The following SH3RF2 variants were observed in gnomAD, a reference collection of about 807,000 sequenced individuals.
The protein encoded by SH3RF2 is E3 ubiquitin-protein ligase SH3RF2.
In SH3RF2, 43 loss-of-function variants were observed where a neutral mutation model predicts 59.0. The ratio of observed to expected loss-of-function variants is 0.73; its 90% CI spans 0.57 to 0.94. The LOEUF (loss-of-function observed/expected upper bound fraction) is 0.94, where lower values mean the gene tolerates loss of function less well. Among genes scored for constraint, SH3RF2 ranks in the 40% least tolerant of loss-of-function variants. SH3RF2 has a pLI of 0.00. For synonymous variants in SH3RF2, 391 were observed against 391.5 expected (o/e 1.00, Z 0.01); for missense variants, 930 against 940.1 (o/e 0.99, Z 0.14).
chr5:145,979,413 C>G (rs987380905), intron 2 of SH3RF2, among the ~76,000 whole-genome samples: 1 of 152,184 alleles, frequency 6.6e-6, no homozygotes, highest in Non-Finnish European at 1.5e-5. Context: ...AGCATATCTA[C>G]AAATATCCAA....
intron 2 of SH3RF2, among the ~76,000 whole-genome samples, chr5:145,963,257 T>G (rs1390115786): frequency 6.7e-6 from 1 of 149,428 alleles, no homozygotes; most frequent in Admixed American, 6.6e-5. Flanking sequence ...GATGGATGGA[T>G]GGATGGATGG....
chr5:146,059,077 ACTGTT>A (rs567610610), intron 8 of SH3RF2, among the ~76,000 whole-genome samples: 8 of 152,150 alleles, frequency 5.3e-5, no homozygotes, highest in Non-Finnish European at 1.2e-4. Context: ...CCAATGATGT[ACTGTT>A]ATTATCTCCA....
chr5:145,997,273 A>G (rs962497937), intron 2 of SH3RF2: 38 of 978,066 alleles, frequency 3.9e-5, no homozygotes, highest in Middle Eastern at 2.1e-4. Context: ...GTAAATGTAC[A>G]TGGAACCAAA....
chr5:145,969,075 T>C (rs900479745), intron 2 of SH3RF2, among the ~76,000 whole-genome samples: 3 of 152,196 alleles, frequency 2.0e-5, no homozygotes, highest in African/African-American at 7.2e-5. Flanking sequence ...TCACTCAGGC[T>C]AGAACTTACT....
chr5:145,971,879 T>C (rs1262484419), intron 2 of SH3RF2, among the ~76,000 whole-genome samples: 1 of 129,794 alleles, frequency 7.7e-6, no homozygotes, highest in Admixed American at 7.0e-5. Context: ...ATAATGATGA[T>C]GATGATGATG....
intron 5 of SH3RF2, among the ~76,000 whole-genome samples, chr5:146,026,137 T>C (rs1056098892): frequency 1.3e-5 from 2 of 152,146 alleles, no homozygotes. Flanking sequence ...GAGGAGGGGG[T>C]GATCTTGCCT....
intron 2 of SH3RF2, among the ~76,000 whole-genome samples, chr5:145,954,440 T>G (rs1302683477): frequency 6.6e-6 from 1 of 150,500 alleles, no homozygotes; most frequent in Non-Finnish European, 1.5e-5. Flanking sequence ...TCCTTATAGA[T>G]GCCAAATATT....
intron 2 of SH3RF2, among the ~76,000 whole-genome samples, chr5:145,942,661 C>G (rs891127314): frequency 2.6e-5 from 4 of 152,186 alleles, no homozygotes; most frequent in African/African-American, 9.7e-5. Context: ...TAGGTGCCAT[C>G]TGGGACAGCA....
At chr5:146,071,961 A>G (rs188404484) in intron 9 of SH3RF2, among the ~76,000 whole-genome samples, 7 of 152,314 alleles carry the variant, frequency 4.6e-5, no homozygotes, top group Admixed American at 2.0e-4. Flanking sequence ...AAAACAGAGT[A>G]CAATAGCAAG....
At chr5:146,024,193 A>C (rs1189204378) in intron 5 of SH3RF2, among the ~76,000 whole-genome samples, 1 of 152,232 alleles carries the variant, frequency 6.6e-6, no homozygotes, top group African/African-American at 2.4e-5. Flanking sequence ...GTACATTCCC[A>C]GGCTTGGTGT....
intron 2 of SH3RF2, among the ~76,000 whole-genome samples, chr5:145,959,485 C>A (rs1444439336): frequency 6.6e-6 from 1 of 152,004 alleles, no homozygotes; most frequent in Non-Finnish European, 1.5e-5. Flanking sequence ...GGCAGATTCA[C>A]CCCCCTCTGC....
At chr5:146,049,615 G>C (rs887391236) in intron 7 of SH3RF2, among the ~76,000 whole-genome samples, 3 of 152,014 alleles carry the variant, frequency 2.0e-5, no homozygotes, top group Admixed American at 2.0e-4. Flanking sequence ...CTATCCCAAT[G>C]CTCCATCTAG....
At position 146,055,966 on chromosome 5, in the gene SH3RF2, A is replaced by T. The variant is rs528276347; in HGVS notation, c.1323-15A>T. On this transcript the variant is annotated splice_polypyrimidine_tract_variant and intron_variant, in intron 7 of 9. Transcript: ENST00000359120. ...CTCTATTTCTTCTCTTAAAAAAAAAATTTTCCAAAACCAGAAAGACCTCTA... is the reference window on the plus strand; with the variant it reads ...CTCTATTTCTTCTCTTAAAAAAAAATTTTTCCAAAACCAGAAAGACCTCTA... The T allele has an allele frequency of 4.2e-4, 670 of 1,596,154 alleles. No individual in the cohort carries two copies. Among genetic ancestry groups the T allele is most frequent in the Non-Finnish European group, 5.4e-4 (632 of 1,173,870 alleles).
chr5:146,010,833 T>G (rs34588030), intron 4 of SH3RF2, among the ~76,000 whole-genome samples: 86,499 of 151,546 alleles, frequency 0.57, 25,338 homozygotes, highest in Middle Eastern at 0.79. Flanking sequence ...GTAGGTTGCC[T>G]GTTCACTCCG....
intron 5 of SH3RF2, among the ~76,000 whole-genome samples, chr5:146,044,035 G>C (rs1762213471): frequency 6.6e-6 from 1 of 152,012 alleles, no homozygotes; most frequent in Non-Finnish European, 1.5e-5. Context: ...TGGCCAATCT[G>C]TTTTCCAACA....
Position 145,975,812 on chromosome 5 carries a change from C to A in SH3RF2, c.379-24246C>A, listed in dbSNP as rs372809035. 7.8e-4 allele frequency among the ~76,000 whole-genome samples: 119 copies of A among 152,372 alleles called. 1 individual carries two copies. Among genetic ancestry groups the A allele is most frequent in the African/African-American group, 2.8e-3 (116 of 41,594 alleles). ...AGCTGTGGAGCTGTAGGGCTGCAGA[C>A]AAATCCCTGCTCTGTGCCTCACATC... is the stretch of plus-strand genomic sequence containing the variant. On this transcript the variant is annotated intron_variant, in intron 2 of 9. Coordinates refer to ENST00000359120, the MANE Select transcript of SH3RF2 (RefSeq NM_152550.4).
At chr5:146,046,638 A>C (rs1762313780) in intron 5 of SH3RF2, among the ~76,000 whole-genome samples, 1 of 152,220 alleles carries the variant, frequency 6.6e-6, no homozygotes. Context: ...CCAGACTTAC[A>C]TAGTCCCTGC....
chr5:145,944,709 G>A (rs1026623911), intron 2 of SH3RF2, among the ~76,000 whole-genome samples: 1 of 152,156 alleles, frequency 6.6e-6, no homozygotes, highest in Non-Finnish European at 1.5e-5. Flanking sequence ...CTAAGTGAGA[G>A]CTTAATAAGA....
intron 5 of SH3RF2, among the ~76,000 whole-genome samples, chr5:146,047,154 C>CGTGT (rs35750777): frequency 1.3e-3 from 200 of 148,226 alleles, no homozygotes; most frequent in African/African-American, 4.1e-3. Flanking sequence ...ATTGGATAGG[C>CGTGT]GTGTGTGTGT....
Sources: allele counts gnomAD v4.1 joint callset (sites outside exome capture counted in the v4.1 genomes callset), GRCh38; gene constraint gnomAD v4.1.1; transcripts MANE v1.5; gene names NCBI Gene and HGNC (gene_info 2026-07-23, HGNC 2026-07-21).